SH3RF1: variants seen among roughly 807,000 people sequenced by gnomAD.
The protein encoded by SH3RF1 is E3 ubiquitin-protein ligase SH3RF1.
In SH3RF1, 32 loss-of-function variants were observed where a neutral mutation model predicts 74.0. The ratio of observed to expected loss-of-function variants is 0.43; its 90% CI spans 0.33 to 0.58. SH3RF1 has a LOEUF of 0.58. SH3RF1 is among the 20% of genes least tolerant of loss of function. The pLI is 0.05. For synonymous variants in SH3RF1, 396 were observed against 439.6 expected, an observed-to-expected ratio of 0.90 and a Z score of 1.24; for missense variants, 954 against 1,130.9, an observed-to-expected ratio of 0.84 and a Z score of 2.24.
chr4:169,101,620 C>T (rs958916573), intron 11 of SH3RF1, among the ~76,000 whole-genome samples: 7 of 106,596 alleles, frequency 6.6e-5, no homozygotes, highest in African/African-American at 1.8e-4. Flanking sequence ...TACTTTACCA[C>T]AATTTAAAAA....
At chr4:169,255,125 C>T (rs1314702258) in intron 2 of SH3RF1, among the ~76,000 whole-genome samples, 4 of 152,178 alleles carry the variant, frequency 2.6e-5, no homozygotes, top group South Asian at 2.1e-4. Flanking sequence ...TTGAAATGTC[C>T]TTTAGAAGAG....
intron 2 of SH3RF1, among the ~76,000 whole-genome samples, chr4:169,207,779 C>G (rs150774644): frequency 1.5e-3 from 234 of 152,240 alleles, no homozygotes; most frequent in South Asian, 0.012. Context: ...TTTCTTAACT[C>G]CTTGTCTACT....
chr4:169,163,477 C>G lies in SH3RF1; in HGVS notation c.394-6798G>C, dbSNP rs527664039. On this transcript the variant is annotated intron_variant, in intron 2 of 11. Coordinates refer to ENST00000284637, the MANE Select transcript of SH3RF1 (RefSeq NM_020870.4). ...CTAAGGGGCATTGCTTAGTAAATACCTATATTTAGGAGGCAGAAAAAAGAG... is the reference window on the plus strand; with the variant it reads ...CTAAGGGGCATTGCTTAGTAAATACGTATATTTAGGAGGCAGAAAAAAGAG... Among the ~76,000 whole-genome samples the G allele has an allele frequency of 9.2e-5, 14 of 152,098 alleles. No individual in the cohort carries two copies. In the East Asian group the frequency reaches 2.5e-3, roughly 27 times the overall value.
chr4:169,188,489 T>C lies in SH3RF1; in HGVS notation c.394-31810A>G, dbSNP rs529989849. Among the ~76,000 whole-genome samples the C allele has an allele frequency of 2.0e-5, 3 of 152,312 alleles. No individual in the cohort carries two copies. In the East Asian group the frequency reaches 5.8e-4, roughly 29 times the overall value. On this transcript the variant is annotated intron_variant, in intron 2 of 11. Transcript: ENST00000284637. ...AACTGTAAAACCGAAAGGCCCTGTA[T>C]ACAGCTTGTTACTCTAATACTATAA...
At chr4:169,147,381 CAG>C in intron 4 of SH3RF1, among the ~76,000 whole-genome samples, 1 of 152,296 alleles carries the variant, frequency 6.6e-6, no homozygotes, top group Middle Eastern at 3.4e-3. Context: ...GACACACTGA[CAG>C]AAATTCCACA....
chr4:169,182,180 G>A (rs1211143508), intron 2 of SH3RF1, among the ~76,000 whole-genome samples: 1 of 152,164 alleles, frequency 6.6e-6, no homozygotes, highest in East Asian at 1.9e-4. Context: ...ACATATCCTT[G>A]ATTCAATGCA....
At chr4:169,138,902 C>A (rs1435951486) in intron 4 of SH3RF1, among the ~76,000 whole-genome samples, 1 of 152,038 alleles carries the variant, frequency 6.6e-6, no homozygotes, top group African/African-American at 2.4e-5. Context: ...TCCTTTGTGT[C>A]TTTCTTCATA....
intron 2 of SH3RF1, among the ~76,000 whole-genome samples, chr4:169,181,024 T>C (rs1734501317): frequency 6.6e-6 from 1 of 152,138 alleles, no homozygotes; most frequent in Non-Finnish European, 1.5e-5. Context: ...TATTCTTTTC[T>C]TAGTAAAATA....
At chr4:169,127,303 T>G (rs1222354486) in intron 6 of SH3RF1, among the ~76,000 whole-genome samples, 1 of 152,244 alleles carries the variant, frequency 6.6e-6, no homozygotes, top group Non-Finnish European at 1.5e-5. Flanking sequence ...ATTTTCATTT[T>G]TTATTCTACT....
intron 2 of SH3RF1, among the ~76,000 whole-genome samples, chr4:169,193,821 TG>T (rs1363334976): frequency 6.6e-6 from 1 of 152,190 alleles, no homozygotes; most frequent in Non-Finnish European, 1.5e-5. Context: ...CTACGAGCCT[TG>T]GGAATAAATT....
chr4:169,229,298 A>G (rs1730697358), intron 2 of SH3RF1, among the ~76,000 whole-genome samples: 1 of 152,174 alleles, frequency 6.6e-6, no homozygotes, highest in African/African-American at 2.4e-5. Flanking sequence ...CCAATTCTCC[A>G]ATACTTTTGT....
Position 169,156,624 on chromosome 4 carries a change from G to A in SH3RF1, c.449C>T (p.Pro150Leu). The A allele has an allele frequency of 6.2e-7, 1 of 1,613,818 alleles. No homozygotes were observed. Among genetic ancestry groups the A allele is most frequent in the Non-Finnish European group, 8.5e-7 (1 of 1,179,928 alleles). Residue 150 changes from proline to leucine, a missense_variant, in exon 3 of 12, where the codon CCT becomes CTT. Physicochemically the swap from Pro to Leu is moderately conservative, Grantham distance 98. This residue lies in a region of SH3RF1 where 854 missense variants were observed against 962.5 expected (regional missense o/e 0.89). Coordinates refer to ENST00000284637, the MANE Select transcript of SH3RF1 (RefSeq NM_020870.4). Reference protein sequence around the residue: ...KALYNYEGKEPGDLKFSKGDI... With the variant: ...KALYNYEGKELGDLKFSKGDI... Reference sequence around the variant, plus strand: ...ACCTTTGCTGAATTTAAGGTCTCCAGGCTCTTTTCCTTCATAGTTGTATAA... The same window carrying A: ...ACCTTTGCTGAATTTAAGGTCTCCAAGCTCTTTTCCTTCATAGTTGTATAA...
At chr4:169,253,317 T>G (rs1306033167) in intron 2 of SH3RF1, among the ~76,000 whole-genome samples, 1 of 152,246 alleles carries the variant, frequency 6.6e-6, no homozygotes, top group Non-Finnish European at 1.5e-5. Context: ...AAGTATCAGA[T>G]AGCTTAGTCT....
chr4:169,266,005 C>A (rs1731346997), intron 2 of SH3RF1, among the ~76,000 whole-genome samples: 1 of 152,070 alleles, frequency 6.6e-6, no homozygotes, highest in Non-Finnish European at 1.5e-5. Flanking sequence ...CAGCAGTGTC[C>A]CTCTCCCTAT....
chr4:169,133,690 T>C (rs943639460), intron 5 of SH3RF1, among the ~76,000 whole-genome samples: 1 of 151,764 alleles, frequency 6.6e-6, no homozygotes, highest in Non-Finnish European at 1.5e-5. Flanking sequence ...GGCAGGAGAA[T>C]TGCTTGAACC....
chr4:169,112,562 C>T (rs1476652588), intron 10 of SH3RF1, among the ~76,000 whole-genome samples: 3 of 152,150 alleles, frequency 2.0e-5, no homozygotes, highest in Non-Finnish European at 4.4e-5. Flanking sequence ...TCTAACCATA[C>T]AATTGCAAAT....
intron 2 of SH3RF1, among the ~76,000 whole-genome samples, chr4:169,210,526 C>G (rs1730340383): frequency 6.6e-6 from 1 of 152,192 alleles, no homozygotes; most frequent in African/African-American, 2.4e-5. Context: ...TAAAACCCTA[C>G]TAAAATAGAA....
intron 2 of SH3RF1, among the ~76,000 whole-genome samples, chr4:169,245,892 G>T (rs1730988895): frequency 6.6e-6 from 1 of 152,198 alleles, no homozygotes; most frequent in South Asian, 2.1e-4. Context: ...CAAATGTACT[G>T]AAAAGTGGTC....
At chr4:169,170,639 C>A (rs17626935) in intron 2 of SH3RF1, among the ~76,000 whole-genome samples, 32,252 of 152,120 alleles carry the variant, frequency 0.21, 3,884 homozygotes, top group Non-Finnish European at 0.28. Flanking sequence ...GGGGGCGCAA[C>A]ACACAGCAAA....
Sources: gnomAD v4.1 joint callset for allele counts (sites outside exome capture counted in the v4.1 genomes callset) on GRCh38, gnomAD v4.1.1 for gene constraint, gnomAD v4.1.1 regional missense constraint, MANE v1.5 for transcripts, NCBI Gene and HGNC (gene_info 2026-07-23, HGNC 2026-07-21) for gene names.